OTUD7A: variants seen among roughly 807,000 people sequenced by gnomAD.
OTUD7A encodes OTU deubiquitinase 7A.
Under a neutral mutation model 65.7 loss-of-function variants are expected in OTUD7A, and 12 were observed. The ratio of observed to expected loss-of-function variants is 0.18; its 90% CI spans 0.12 to 0.30. OTUD7A has a LOEUF of 0.30. Ranked by LOEUF, OTUD7A falls within the 10% of genes least tolerant of loss-of-function variation. OTUD7A has a pLI of 1.00. For synonymous variants in OTUD7A, 641 were observed against 586.3 expected, an observed-to-expected ratio of 1.09 and a Z score of -1.35; for missense variants, 1,148 against 1,304.8, an observed-to-expected ratio of 0.88 and a Z score of 1.85.
At chr15:31,859,300 G>A (rs1411011612) in intron 1 of OTUD7A, among the ~76,000 whole-genome samples, 4 of 152,172 alleles carry the variant, frequency 2.6e-5, no homozygotes, top group Non-Finnish European at 5.9e-5. Flanking sequence ...GCTAATCAAT[G>A]TATGCCTTAC....
intron 8 of OTUD7A, among the ~76,000 whole-genome samples, chr15:31,523,246 C>T (rs1330364683): frequency 6.6e-6 from 1 of 152,236 alleles, no homozygotes; most frequent in Non-Finnish European, 1.5e-5. Flanking sequence ...CTCCCCTTCT[C>T]TGGCTGCTGT....
intron 1 of OTUD7A, among the ~76,000 whole-genome samples, chr15:31,831,421 GATCA>G (rs1380879970): frequency 9.8e-6 from 1 of 101,658 alleles, no homozygotes; most frequent in East Asian, 3.6e-4. Context: ...GTATGTGAAT[GATCA>G]ATCAATGTCT....
At chr15:31,811,545 G>A (rs1167997420) in intron 1 of OTUD7A, among the ~76,000 whole-genome samples, 1 of 152,110 alleles carries the variant, frequency 6.6e-6, no homozygotes, top group African/African-American at 2.4e-5. Flanking sequence ...GTGTGCGTAT[G>A]TGTATGTGAG....
At chr15:31,634,364 T>C (rs1891272545) in intron 3 of OTUD7A, among the ~76,000 whole-genome samples, 1 of 152,182 alleles carries the variant, frequency 6.6e-6, no homozygotes, top group African/African-American at 2.4e-5. Context: ...AAACCAGCCA[T>C]GACCTCGCGT....
intron 1 of OTUD7A, among the ~76,000 whole-genome samples, chr15:31,860,677 G>GTGTATATATATATATATATATATA (rs560896384): frequency 0.018 from 1,352 of 73,176 alleles, 122 homozygotes; most frequent in Middle Eastern, 0.029. Context: ...ATGTATGTGT[G>GTGTATATATATATATATATATATA]TATATATATA....
intron 1 of OTUD7A, among the ~76,000 whole-genome samples, chr15:31,825,793 ATAC>A (rs1278803440): frequency 2.6e-5 from 4 of 152,216 alleles, no homozygotes; most frequent in African/African-American, 9.6e-5. Flanking sequence ...CATTGGGTAA[ATAC>A]TACTGTTCCA....
chr15:31,582,274 AG>A (rs1889395963), intron 3 of OTUD7A, among the ~76,000 whole-genome samples: 1 of 152,258 alleles, frequency 6.6e-6, no homozygotes, highest in African/African-American at 2.4e-5. Flanking sequence ...AAAGCCATTC[AG>A]CAAGTCTCTA....
chr15:31,485,970 G>A (rs1245564915), intron 12 of OTUD7A, among the ~76,000 whole-genome samples: 4 of 152,168 alleles, frequency 2.6e-5, no homozygotes, highest in African/African-American at 7.2e-5. Flanking sequence ...AGACTGGTGC[G>A]TGAGACACTA....
intron 3 of OTUD7A, among the ~76,000 whole-genome samples, chr15:31,645,380 T>C (rs1162221263): frequency 2.0e-4 from 30 of 152,200 alleles, no homozygotes; most frequent in Admixed American, 2.0e-3. Flanking sequence ...GCTGTCTGTT[T>C]TAAAACTTTT....
intron 1 of OTUD7A, among the ~76,000 whole-genome samples, chr15:31,764,008 C>A (rs1895040050): frequency 6.6e-6 from 1 of 152,180 alleles, no homozygotes; most frequent in South Asian, 2.1e-4. Flanking sequence ...GTCAATGGAG[C>A]TGCTCTGAAA....
At chr15:31,659,067 A>G (rs1383685954) in intron 1 of OTUD7A, among the ~76,000 whole-genome samples, 2 of 146,014 alleles carry the variant, frequency 1.4e-5, no homozygotes, top group African/African-American at 5.4e-5. Flanking sequence ...AAATAAATAA[A>G]TAAATAAATA....
At chr15:31,523,716 G>A (rs1402950450) in intron 8 of OTUD7A, among the ~76,000 whole-genome samples, 2 of 152,204 alleles carry the variant, frequency 1.3e-5, no homozygotes, top group African/African-American at 2.4e-5. Context: ...TCAGTCAGGT[G>A]TCAGAAACTC....
At chr15:31,553,007 A>C (rs1011915890) in intron 5 of OTUD7A, among the ~76,000 whole-genome samples, 1 of 152,154 alleles carries the variant, frequency 6.6e-6, no homozygotes, top group Non-Finnish European at 1.5e-5. Flanking sequence ...GAGAGCTATA[A>C]GGAGAAGGGG....
Position 31,640,573 on chromosome 15 carries a change from A to G in OTUD7A, c.151+14523T>C, listed in dbSNP as rs1595678103. Among the ~76,000 whole-genome samples the G allele has an allele frequency of 3.9e-5, 6 of 152,318 alleles. No homozygotes were observed. In the South Asian group the frequency reaches 1.2e-3, roughly 32 times the overall value. On this transcript the variant is annotated intron_variant, in intron 3 of 12. Transcript: ENST00000307050. ...CATTTCTTTTGCATATGAAAATCCA[A>G]TTATCCCACAATTTGTTGAAAAGAT...
chr15:31,698,372 C>A (rs1359207361), intron 1 of OTUD7A, among the ~76,000 whole-genome samples: 2 of 152,124 alleles, frequency 1.3e-5, no homozygotes, highest in Non-Finnish European at 1.5e-5. Flanking sequence ...CCCTCCACCC[C>A]AGCTCTTCTC....
chr15:31,561,781 G>T (rs1293746933), intron 4 of OTUD7A, among the ~76,000 whole-genome samples: 2 of 82,522 alleles, frequency 2.4e-5, no homozygotes, highest in African/African-American at 1.4e-4. Context: ...CACACACACA[G>T]AGTCACACAC....
At chr15:31,521,134 G>C (rs2041931364) in intron 8 of OTUD7A, among the ~76,000 whole-genome samples, 1 of 152,192 alleles carries the variant, frequency 6.6e-6, no homozygotes, top group East Asian at 1.9e-4. Context: ...TGACAGGCCG[G>C]AGGGTTCGCG....
intron 1 of OTUD7A, among the ~76,000 whole-genome samples, chr15:31,852,539 T>C (rs866754316): frequency 2.0e-5 from 3 of 152,236 alleles, no homozygotes; most frequent in Non-Finnish European, 4.4e-5. Flanking sequence ...AAATAGCTTA[T>C]AATACACAAA....
At chr15:31,710,142 G>A (rs1372376497) in intron 1 of OTUD7A, among the ~76,000 whole-genome samples, 4 of 151,272 alleles carry the variant, frequency 2.6e-5, no homozygotes, top group Non-Finnish European at 5.9e-5. Flanking sequence ...ATCAGTCACA[G>A]CCATGAGTGA....
Sources: allele counts gnomAD v4.1 joint callset (sites outside exome capture counted in the v4.1 genomes callset), GRCh38; gene constraint gnomAD v4.1.1; transcripts MANE v1.5; gene names NCBI Gene and HGNC (gene_info 2026-07-23, HGNC 2026-07-21).